FANCE: variants seen among roughly 807,000 people sequenced by gnomAD.
FANCE encodes the protein Fanconi anemia group E protein.
In FANCE, 42 loss-of-function variants were observed where a neutral mutation model predicts 57.8. The observed-to-expected ratio is 0.73, with a 90% confidence interval of 0.57 to 0.94. The LOEUF is 0.94. Among genes scored for constraint, FANCE ranks in the 40% least tolerant of loss-of-function variants. The pLI, the probability that FANCE is intolerant of heterozygous loss-of-function variation, is 0.00. For synonymous variants in FANCE, 251 were observed against 286.4 expected, an observed-to-expected ratio of 0.88 and a Z score of 1.25; for missense variants, 608 against 661.8, an observed-to-expected ratio of 0.92 and a Z score of 0.89.
intron 5 of FANCE, among the ~76,000 whole-genome samples, 199 bp downstream of exon 5, chr6:35,458,639 CTT>C (rs1323274711): frequency 1.2e-4 from 17 of 142,120 alleles, no homozygotes; most frequent in Admixed American, 1.4e-4. Context: ...TGGCATCTAA[CTT>C]TTTTTTTTTT....
chr6:35,460,804 C>T (rs1767558647), intron 8 of FANCE, among the ~76,000 whole-genome samples, 186 bp downstream of exon 8: 1 of 152,144 alleles, frequency 6.6e-6, no homozygotes, highest in South Asian at 2.1e-4. Context: ...GAGCTGAGCA[C>T]ATGGTCACTT....
chr6:35,456,267 A>T lies in FANCE; in HGVS notation c.769A>T (p.Met257Leu), dbSNP rs1439191047. The T allele has an allele frequency of 1.2e-6, 2 of 1,614,104 alleles. No homozygotes were observed. Among genetic ancestry groups the T allele is most frequent in the Non-Finnish European group, 1.7e-6 (2 of 1,180,044 alleles). The change falls in exon 2 of 10, where the codon ATG becomes TTG. Residue 257 changes from methionine (M) to leucine (L), a missense_variant. Transcript: ENST00000229769. The surrounding 1 kb of genome is among the most constrained non-coding windows in gnomAD (Gnocchi z 4.3). ...ATCTCCTATTAAGGACCAGCCTGTCATGGCAGTTAAGACTGGCGAGGACGG... is the reference window on the plus strand; with the variant it reads ...ATCTCCTATTAAGGACCAGCCTGTCTTGGCAGTTAAGACTGGCGAGGACGG... ...SASPIKDQPVMAVKTGEDGSN... is the reference protein window; with the variant it reads ...SASPIKDQPVLAVKTGEDGSN...
At chr6:35,466,129 C>G (rs1387446691) in intron 9 of FANCE, 115 bp from the exon 10 acceptor site, 1 of 766,496 alleles carries the variant, frequency 1.3e-6, no homozygotes, top group African/African-American at 1.7e-5. Context: ...GCTCAGGAGT[C>G]TCCTCCTCTT....
At chr6:35,462,689 T>A in intron 8 of FANCE, 100 bp from the exon 9 acceptor site, 1 of 1,538,892 alleles carries the variant, frequency 6.5e-7, no homozygotes, top group Non-Finnish European at 8.9e-7. Context: ...CAGGGTCACC[T>A]AGCTAGGAAG....
chr6:35,452,947 G>T (rs1767172232), intron 1 of FANCE, among the ~76,000 whole-genome samples, 154 bp downstream of exon 1: 5 of 152,254 alleles, frequency 3.3e-5, no homozygotes. Context: ...CTGTGTGCGG[G>T]ACATCGAGGA....
At chr6:35,454,212 C>T (rs975396645) in intron 1 of FANCE, among the ~76,000 whole-genome samples, 5 of 152,070 alleles carry the variant, frequency 3.3e-5, no homozygotes, top group Admixed American at 1.3e-4. Flanking sequence ...CAGGCGCGTG[C>T]CAACACGCCC....
intron 9 of FANCE, 98 bp downstream of exon 9, chr6:35,463,012 G>T: frequency 6.4e-7 from 1 of 1,555,630 alleles, no homozygotes; most frequent in South Asian, 1.1e-5. Flanking sequence ...ATAAAACCCT[G>T]AGTGCTGGCC....
In FANCE at chr6:35,456,498, G is replaced by T; in HGVS notation, c.855+145G>T. The T allele has an allele frequency of 9.5e-7, 1 of 1,048,502 alleles. No homozygotes were observed. The allele number at this position is 1,048,502 out of a possible 1,614,324, so 64.9% of individuals were successfully genotyped here. A position where few individuals can be genotyped will look rare whatever the true frequency, so the allele number is the denominator to read the frequency against. ...AGGAGGAAGGTAGGGTTGAGGGAAT[G>T]TAGCCTCCACTCTACAGACTCTTTT... On this transcript the variant is annotated intron_variant, in intron 2 of 9. Transcript: ENST00000229769. This position sits in a 1 kb window ranked among gnomAD's most constrained non-coding sequence, Gnocchi z 4.3.
At chr6:35,465,348 A>G (rs2150904740) in intron 9 of FANCE, among the ~76,000 whole-genome samples, 1 of 151,656 alleles carries the variant, frequency 6.6e-6, no homozygotes, top group East Asian at 2.0e-4. Flanking sequence ...TAGTTTTTGT[A>G]TTTTTTAGTA....
Position 35,458,326 on chromosome 6 carries a change from C to T in FANCE, c.999C>T (p.Leu333=), listed in dbSNP as rs776082827. ...QMDLLCAQLQ[L]PQLSDLGLLR... Reference sequence around the variant, plus strand: ...ACTTGCTGTGTGCCCAGCTGCAGCTCCCTCAGCTCTCAGACCTCGGTCTCC... The same window carrying T: ...ACTTGCTGTGTGCCCAGCTGCAGCTTCCTCAGCTCTCAGACCTCGGTCTCC... The change falls in exon 5 of 10, where the codon CTC becomes CTT. Residue 333 remains leucine, a synonymous_variant. Transcript: ENST00000229769. The T allele has an allele frequency of 1.2e-6, 2 of 1,614,092 alleles. No homozygotes were observed. Among genetic ancestry groups the T allele is most frequent in the Admixed American group, 3.3e-5 (2 of 60,020 alleles).
At chr6:35,454,090 A>C (rs1431885338) in intron 1 of FANCE, among the ~76,000 whole-genome samples, 1 of 151,088 alleles carries the variant, frequency 6.6e-6, no homozygotes, top group Admixed American at 6.6e-5. Context: ...TTTTGACGGA[A>C]TCTTGCTCTG....
At chr6:35,463,197 G>A (rs556244862) in intron 9 of FANCE, among the ~76,000 whole-genome samples, 26 of 152,312 alleles carry the variant, frequency 1.7e-4, no homozygotes, top group African/African-American at 5.8e-4. Context: ...TACAAGGGAG[G>A]CTGAGGCAGG....
chr6:35,454,059 T>C (rs570298592), intron 1 of FANCE, among the ~76,000 whole-genome samples: 2 of 148,016 alleles, frequency 1.4e-5, no homozygotes, highest in Admixed American at 6.6e-5. Flanking sequence ...CTTAGGTTTT[T>C]TTTGTTTGTT....
chr6:35,462,113 T>A (rs868525409), intron 8 of FANCE, among the ~76,000 whole-genome samples: 17 of 115,550 alleles, frequency 1.5e-4, no homozygotes, highest in South Asian at 1.4e-3. Flanking sequence ...TAATAATAAT[T>A]ATTATTTTTT....
At position 35,456,461 on chromosome 6, in the gene FANCE, C is replaced by A; in HGVS notation, c.855+108C>A. On this transcript the variant is annotated intron_variant, in intron 2 of 9. Transcript: ENST00000229769. This position sits in a 1 kb window ranked among gnomAD's most constrained non-coding sequence, Gnocchi z 4.3. The stretch of plus-strand genomic sequence containing the variant: ...TTTCCCAATGGAGTTGACTGTAGTT[C>A]CTGGAGGAAGAAGGAGGAAGGTAGG... The A allele has an allele frequency of 1.4e-6, 2 of 1,434,826 alleles. No individual in the cohort carries two copies. The highest frequency in any genetic ancestry group is 2.0e-6 in the Non-Finnish European group (2 of 1,020,568). 88.9% of individuals were successfully genotyped at this position (1,434,826 alleles called of 1,614,324 possible). A position where few individuals can be genotyped will look rare whatever the true frequency, so the allele number is the denominator to read the frequency against.
chr6:35,456,109 C>T lies in FANCE; in HGVS notation c.611C>T (p.Ser204Leu), dbSNP rs7761870. The T allele has an allele frequency of 0.017, 28,017 of 1,613,970 alleles. 513 individuals are homozygous for T. The highest frequency in any genetic ancestry group is 0.097 in the African/African-American group (7,300 of 74,974). ...SQQPGKRRKD[S>L]EEEAASPEGK... is the part of the protein sequence containing the mutation. ...CAGCCTGGGAAACGCAGAAAGGACT[C>T]AGAGGAAGAGGCTGCCAGTCCTGAG... is the stretch of plus-strand genomic sequence containing the variant. The change falls in exon 2 of 10, where the codon TCA becomes TTA. Residue 204 changes from serine (S) to leucine (L), a missense_variant. Physicochemically the swap from Ser to Leu is moderately radical, Grantham distance 145 (BLOSUM62 -2). Coordinates refer to ENST00000229769, the MANE Select transcript of FANCE (RefSeq NM_021922.3). This position sits in a 1 kb window ranked among gnomAD's most constrained non-coding sequence, Gnocchi z 4.3.
intron 8 of FANCE, among the ~76,000 whole-genome samples, chr6:35,462,079 T>C (rs985338498): frequency 2.0e-5 from 3 of 151,392 alleles, no homozygotes; most frequent in African/African-American, 4.9e-5. Flanking sequence ...GAATGGTACC[T>C]GATGCACAGT....
At chr6:35,458,625 CACATGGCATCTA>C (rs913558460) in intron 5 of FANCE, among the ~76,000 whole-genome samples, 185 bp downstream of exon 5, 5 of 151,262 alleles carry the variant, frequency 3.3e-5, no homozygotes, top group Non-Finnish European at 5.9e-5. Context: ...GCCATCTACC[CACATGGCATCTA>C]ACTTTTTTTT....
chr6:35,462,561 A>T (rs1767635150), intron 8 of FANCE, among the ~76,000 whole-genome samples: 1 of 152,088 alleles, frequency 6.6e-6, no homozygotes, highest in Non-Finnish European at 1.5e-5. Context: ...ATTTTCTGAG[A>T]CCTGTGTGTC....
Sources: allele counts gnomAD v4.1 joint callset (sites outside exome capture counted in the v4.1 genomes callset), GRCh38; gene constraint gnomAD v4.1.1; non-coding constraint Gnocchi (gnomAD v3.1); transcripts MANE v1.5; gene names NCBI Gene and HGNC (gene_info 2026-07-23, HGNC 2026-07-21).